TCF12: variants seen among roughly 807,000 people sequenced by gnomAD.
The protein encoded by TCF12 is DNA-binding protein HTF4.
TCF12 carries 45 observed loss-of-function variants against 86.0 expected under a neutral mutation model. The ratio of observed to expected loss-of-function variants is 0.52; its 90% confidence interval spans 0.41 to 0.67. The LOEUF (loss-of-function observed/expected upper bound fraction) is 0.67, where lower values mean the gene tolerates loss of function less well. TCF12 is among the 30% of genes least tolerant of loss of function. The pLI is 0.00. For missense variants in TCF12, 881 were observed against 859.9 expected (o/e 1.02, Z -0.31); for synonymous variants, 330 against 299.6 (o/e 1.10, Z -1.05).
intron 8 of TCF12, among the ~76,000 whole-genome samples, chr15:57,199,346 CAT>C (rs1465177835): frequency 1.3e-5 from 2 of 152,056 alleles, no homozygotes; most frequent in African/African-American, 2.4e-5. Context: ...ACTGCTAAAA[CAT>C]GTAGCAGTGC....
intron 8 of TCF12, among the ~76,000 whole-genome samples, chr15:57,202,011 A>G (rs1394739696): frequency 6.6e-6 from 1 of 152,214 alleles, no homozygotes; most frequent in East Asian, 1.9e-4. Flanking sequence ...CCTCAGTGTC[A>G]CTGTGTTGTT....
At chr15:57,185,572 G>A (rs1476259452) in intron 6 of TCF12, among the ~76,000 whole-genome samples, 1 of 152,084 alleles carries the variant, frequency 6.6e-6, no homozygotes, top group East Asian at 1.9e-4. Flanking sequence ...AGGACAATAT[G>A]GAATCAACAA....
chr15:56,927,488 A>G (rs2060066378), intron 3 of TCF12, among the ~76,000 whole-genome samples: 1 of 152,224 alleles, frequency 6.6e-6, no homozygotes, highest in South Asian at 2.1e-4. Context: ...ATCTTCTACC[A>G]TTAACATTTT....
At chr15:56,991,014 T>C (rs1014244809) in intron 3 of TCF12, among the ~76,000 whole-genome samples, 18 of 152,070 alleles carry the variant, frequency 1.2e-4, no homozygotes, top group African/African-American at 3.9e-4. Context: ...CAGGCTGCTG[T>C]CAAACTCCTG....
chr15:57,219,829 G>A (rs1311090483), intron 8 of TCF12, among the ~76,000 whole-genome samples: 3 of 150,510 alleles, frequency 2.0e-5, no homozygotes, highest in South Asian at 2.1e-4. Context: ...GGGTTCAAGC[G>A]ATTCTCCCGC....
At chr15:57,060,215 A>G (rs572322765) in intron 3 of TCF12, among the ~76,000 whole-genome samples, 17 of 140,494 alleles carry the variant, frequency 1.2e-4, no homozygotes, top group Non-Finnish European at 2.4e-4. Context: ...ATGTTTTCAC[A>G]AAAGAAAGAG....
chr15:56,929,312 A>G (rs181455113), intron 3 of TCF12, among the ~76,000 whole-genome samples: 7 of 152,238 alleles, frequency 4.6e-5, no homozygotes, highest in Admixed American at 6.5e-5. Flanking sequence ...CATCAGGGGG[A>G]AAAATGGTTT....
intron 3 of TCF12, among the ~76,000 whole-genome samples, chr15:57,057,630 A>T (rs150871093): frequency 3.8e-3 from 525 of 139,880 alleles, no homozygotes; most frequent in African/African-American, 0.015. Flanking sequence ...ATGAGTTCAG[A>T]GAGGTGGGAG....
chr15:57,258,373 G>A (rs1035565160), intron 16 of TCF12, among the ~76,000 whole-genome samples: 4 of 152,150 alleles, frequency 2.6e-5, no homozygotes, highest in African/African-American at 7.2e-5. Flanking sequence ...ATTTATGGCC[G>A]TAATACCTAA....
intron 3 of TCF12, among the ~76,000 whole-genome samples, chr15:56,929,806 T>G (rs985328651): frequency 9.2e-5 from 14 of 152,124 alleles, no homozygotes; most frequent in Non-Finnish European, 1.9e-4. Context: ...TTATTAAAAT[T>G]GGGATAATTT....
At chr15:57,116,428 C>T (rs566881584) in intron 5 of TCF12, among the ~76,000 whole-genome samples, 1 of 152,256 alleles carries the variant, frequency 6.6e-6, no homozygotes, top group South Asian at 2.1e-4. Flanking sequence ...TCATTGCAAC[C>T]TCTGCCTCCT....
chr15:57,256,012 A>C (rs1193262781), intron 16 of TCF12, among the ~76,000 whole-genome samples: 1 of 152,210 alleles, frequency 6.6e-6, no homozygotes, highest in Non-Finnish European at 1.5e-5. Context: ...TCTTCATCTC[A>C]TCCAGACACA....
At chr15:57,018,060 A>G (rs1346297298) in intron 3 of TCF12, among the ~76,000 whole-genome samples, 2 of 152,184 alleles carry the variant, frequency 1.3e-5, no homozygotes, top group African/African-American at 4.8e-5. Context: ...TCAAAAAGTA[A>G]TTTAGGACAC....
rs1168679861 is a variant in TCF12 at position 57,170,799 on chromosome 15, TATATAA to T, written c.390+4334_390+4339del. On this transcript the variant is annotated intron_variant, in intron 6 of 20. Transcript: ENST00000333725. Reference sequence around the variant, plus strand: ...ATATAATATATATATATAATATATATATATAATTTTTTTTTTTTTTTTTTTAGAGAT... The same window carrying T: ...ATATAATATATATATATAATATATATTTTTTTTTTTTTTTTTTTTAGAGAT... Among the ~76,000 whole-genome samples, 182 of 33,662 alleles carry T rather than the reference TATATAA, an allele frequency of 5.4e-3. 9 individuals carry two copies. Among genetic ancestry groups the T allele is most frequent in the African/African-American group, 0.025 (175 of 7,060 alleles). 22.1% of individuals were successfully genotyped at this position (33,662 alleles called of 152,430 possible).
intron 3 of TCF12, among the ~76,000 whole-genome samples, chr15:56,928,404 A>G (rs1347936445): frequency 6.6e-6 from 1 of 152,154 alleles, no homozygotes; most frequent in African/African-American, 2.4e-5. Context: ...CTCCTATTAT[A>G]TACTAGGCAT....
chr15:57,111,903 T>C (rs934715110), intron 5 of TCF12, among the ~76,000 whole-genome samples: 17 of 152,316 alleles, frequency 1.1e-4, no homozygotes, highest in African/African-American at 3.8e-4. Context: ...GGCTTGTTTA[T>C]AAACAGTTTG....
intron 4 of TCF12, among the ~76,000 whole-genome samples, chr15:57,082,442 G>T (rs768381952): frequency 6.6e-6 from 1 of 152,146 alleles, no homozygotes. Context: ...AACCGAAGAG[G>T]CTAGCAAAGA....
chr15:56,939,972 T>G (rs2060654790), intron 3 of TCF12, among the ~76,000 whole-genome samples: 2 of 99,608 alleles, frequency 2.0e-5, no homozygotes, highest in African/African-American at 5.8e-5. Flanking sequence ...AGCGTGTTTT[T>G]TTTTTTTTTT....
In TCF12 at chr15:57,232,825, T is replaced by G. The variant is rs1426880297; in HGVS notation, c.939T>G (p.Thr313=). ...SSSPYVAASH[T]PPINGSDSIL... ...CACCTTACGTTGCTGCCTCACACAC[T>G]CCTCCCATCAATGGATCAGACAGCA... The change falls in exon 11 of 21, where the codon ACT becomes ACG. Residue 313 remains threonine, a synonymous_variant. Coordinates refer to ENST00000333725, the MANE Select transcript of TCF12 (RefSeq NM_207037.2). 3 of 1,608,214 alleles carry G rather than the reference T, an allele frequency of 1.9e-6. No homozygotes were observed. The highest frequency in any genetic ancestry group is 2.2e-5 in the East Asian group (1 of 44,454).
Sources: gnomAD v4.1 joint callset for allele counts (sites outside exome capture counted in the v4.1 genomes callset) on GRCh38, gnomAD v4.1.1 for gene constraint, MANE v1.5 for transcripts, NCBI Gene and HGNC (gene_info 2026-07-23, HGNC 2026-07-21) for gene names.